NOS1AP: variants seen among roughly 807,000 people sequenced by gnomAD.
NOS1AP encodes the protein carboxyl-terminal PDZ ligand of neuronal nitric oxide synthase protein.
A neutral mutation model predicts 56.2 loss-of-function variants in NOS1AP; 21 were observed. That is an observed-to-expected ratio of 0.37 (90% CI 0.26 to 0.54). The LOEUF is 0.54. Among genes scored for constraint, NOS1AP ranks in the 20% least tolerant of loss-of-function variants. NOS1AP has a pLI of 0.84. For missense variants in NOS1AP, 522 were observed against 657.8 expected (o/e 0.79, Z 2.26); for synonymous variants, 270 against 274.6 (o/e 0.98, Z 0.17).
At position 162,166,768 on chromosome 1, in the gene NOS1AP, C is replaced by T. The variant is rs115695199; in HGVS notation, c.177+12292C>T. The stretch of plus-strand genomic sequence containing the variant: ...GAAGTAAATGCAATAATGGGTGTCA[C>T]GTCCTTAGCACCGTGCCTGGCCCAT... On this transcript the variant is annotated intron_variant, in intron 2 of 9. Coordinates refer to ENST00000361897, the MANE Select transcript of NOS1AP (RefSeq NM_014697.3). 3.6e-3 allele frequency among the ~76,000 whole-genome samples: 550 copies of T among 152,270 alleles called. 1 individual carries two copies. Among genetic ancestry groups the T allele is most frequent in the African/African-American group, 0.012 (515 of 41,536 alleles).
At chr1:162,210,677 A>G (rs1343199851) in intron 2 of NOS1AP, among the ~76,000 whole-genome samples, 2 of 152,190 alleles carry the variant, frequency 1.3e-5, no homozygotes, top group Admixed American at 6.5e-5. Context: ...CTTCAAGGCC[A>G]TGGTGGTGAC....
chr1:162,339,940 A>C (rs16860430), intron 5 of NOS1AP, among the ~76,000 whole-genome samples: 11,380 of 152,276 alleles, frequency 0.075, 566 homozygotes, highest in East Asian at 0.18. Flanking sequence ...TAGACTTTTT[A>C]ATGGTGAAGC....
At chr1:162,267,027 A>G (rs191122338) in intron 2 of NOS1AP, among the ~76,000 whole-genome samples, 1 of 152,154 alleles carries the variant, frequency 6.6e-6, no homozygotes, top group Non-Finnish European at 1.5e-5. Context: ...GTTCATGTGG[A>G]TCTTGTCTGA....
intron 3 of NOS1AP, among the ~76,000 whole-genome samples, chr1:162,290,292 G>C (rs111760778): frequency 6.6e-6 from 1 of 152,172 alleles, no homozygotes; most frequent in South Asian, 2.1e-4. Flanking sequence ...CCAGGGCCGT[G>C]GCTGTGATTT....
chr1:162,191,677 C>T (rs1651652909), intron 2 of NOS1AP, among the ~76,000 whole-genome samples: 1 of 151,970 alleles, frequency 6.6e-6, no homozygotes, highest in Non-Finnish European at 1.5e-5. Flanking sequence ...CTTCCTCCCC[C>T]ATTGATAAGG....
At chr1:162,300,137 G>A (rs1470692770) in intron 3 of NOS1AP, among the ~76,000 whole-genome samples, 1 of 152,130 alleles carries the variant, frequency 6.6e-6, no homozygotes, top group African/African-American at 2.4e-5. Flanking sequence ...AGCCTGAGAG[G>A]GTGTAGTTGG....
chr1:162,283,163 C>CAT (rs924804364), intron 2 of NOS1AP, among the ~76,000 whole-genome samples: 12 of 150,752 alleles, frequency 8.0e-5, no homozygotes, highest in African/African-American at 2.2e-4. Context: ...ATATTTTTAA[C>CAT]ATATATATAT....
At chr1:162,225,320 C>T (rs7536043) in intron 2 of NOS1AP, among the ~76,000 whole-genome samples, 49,909 of 151,922 alleles carry the variant, frequency 0.33, 8,778 homozygotes, top group African/African-American at 0.45. Flanking sequence ...ACTGCCTCTT[C>T]CCTCACTCCC....
At chr1:162,155,451 A>G (rs988126545) in intron 2 of NOS1AP, among the ~76,000 whole-genome samples, 1 of 149,182 alleles carries the variant, frequency 6.7e-6, no homozygotes, top group Non-Finnish European at 1.5e-5. Flanking sequence ...ATATATATAT[A>G]TATATAGAGA....
chr1:162,243,079 C>T (rs1436873050), intron 2 of NOS1AP, among the ~76,000 whole-genome samples: 2 of 152,178 alleles, frequency 1.3e-5, no homozygotes, highest in Non-Finnish European at 2.9e-5. Context: ...GCCTACTGTT[C>T]TCAGTCTTCA....
intron 4 of NOS1AP, among the ~76,000 whole-genome samples, chr1:162,308,459 C>A (rs570836927): frequency 2.9e-4 from 44 of 152,230 alleles, no homozygotes; most frequent in Admixed American, 7.8e-4. Flanking sequence ...GGGAGGCCCA[C>A]AACACCTAGT....
intron 5 of NOS1AP, among the ~76,000 whole-genome samples, chr1:162,339,359 C>G (rs1345063462): frequency 6.6e-6 from 1 of 151,536 alleles, no homozygotes; most frequent in African/African-American, 2.4e-5. Context: ...TAAAACTAAA[C>G]TGGATTTGTA....
At chr1:162,124,176 A>C (rs548069321) in intron 1 of NOS1AP, among the ~76,000 whole-genome samples, 2 of 152,132 alleles carry the variant, frequency 1.3e-5, no homozygotes, top group East Asian at 3.9e-4. Flanking sequence ...TTGTGGTTAC[A>C]TGGATGCATT....
chr1:162,151,176 A>G (rs1649690091), intron 1 of NOS1AP, among the ~76,000 whole-genome samples: 1 of 152,228 alleles, frequency 6.6e-6, no homozygotes, highest in Admixed American at 6.5e-5. Flanking sequence ...ATTCTTCTAC[A>G]TATGGATATC....
Position 162,357,078 on chromosome 1 carries a change from A to C in NOS1AP, c.881A>C (p.Gln294Pro). The C allele has an allele frequency of 6.2e-7, 1 of 1,612,360 alleles. No individual in the cohort carries two copies. Among genetic ancestry groups the C allele is most frequent in the Non-Finnish European group, 8.5e-7 (1 of 1,179,958 alleles). ...CCGCTGTCCACTCACCACCAGATGC[A>C]GCTCCTCCAGCAGCTCCTCCAGCAG... Reference protein sequence around the residue: ...ETPLSTHHQMQLLQQLLQQQQ... With the variant: ...ETPLSTHHQMPLLQQLLQQQQ... Residue 294 changes from glutamine (Q) to proline (P), a missense_variant, in exon 8 of 10, where the codon CAG becomes CCG. Physicochemically the swap from Gln to Pro is moderately conservative, Grantham distance 76. Transcript: ENST00000361897.
chr1:162,088,624 T>C (rs150921359), intron 1 of NOS1AP, among the ~76,000 whole-genome samples: 339 of 151,912 alleles, frequency 2.2e-3, no homozygotes, highest in African/African-American at 6.2e-3. Context: ...GGTAGGAGGG[T>C]GGTGGTGAGG....
chr1:162,148,787 G>A (rs2102086734), intron 1 of NOS1AP, among the ~76,000 whole-genome samples: 1 of 152,340 alleles, frequency 6.6e-6, no homozygotes, highest in South Asian at 2.1e-4. Flanking sequence ...GGGCCATGTG[G>A]GTACTGGAGA....
At chr1:162,149,132 C>T (rs999363931) in intron 1 of NOS1AP, among the ~76,000 whole-genome samples, 8 of 152,106 alleles carry the variant, frequency 5.3e-5, no homozygotes, top group East Asian at 1.9e-4. Flanking sequence ...GCCCTAGGAA[C>T]GTGTGGGAGC....
intron 2 of NOS1AP, among the ~76,000 whole-genome samples, chr1:162,164,790 C>G (rs1306976324): frequency 6.6e-6 from 1 of 152,126 alleles, no homozygotes; most frequent in Non-Finnish European, 1.5e-5. Context: ...CTCTTGGAGC[C>G]AAAAGCAGCA....
Sources: gnomAD v4.1 joint callset for allele counts (sites outside exome capture counted in the v4.1 genomes callset) on GRCh38, gnomAD v4.1.1 for gene constraint, MANE v1.5 for transcripts, NCBI Gene and HGNC (gene_info 2026-07-23, HGNC 2026-07-21) for gene names.